CAPRIN1: variants seen among roughly 807,000 people sequenced by gnomAD.
The protein encoded by CAPRIN1 is caprin-1.
A neutral mutation model predicts 100.9 loss-of-function variants in CAPRIN1; 29 were observed. That is an observed-to-expected ratio of 0.29 (90% CI 0.21 to 0.39). CAPRIN1 has a LOEUF of 0.39. CAPRIN1 is among the 10% of genes least tolerant of loss of function. The pLI, the probability that CAPRIN1 is intolerant of heterozygous loss-of-function variation, is 1.00. For synonymous variants in CAPRIN1, 338 were observed against 307.5 expected (o/e 1.10, Z -1.04); for missense variants, 795 against 876.7 (o/e 0.91, Z 1.18).
chr11:34,068,559 G>A (rs1850744808), intron 2 of CAPRIN1, among the ~76,000 whole-genome samples: 1 of 152,194 alleles, frequency 6.6e-6, no homozygotes. Flanking sequence ...AGGATAGCTT[G>A]TCCTACTATA....
At chr11:34,090,474 T>C (rs970012417) in intron 13 of CAPRIN1, 55 bp from the exon 14 acceptor site, 10 of 1,578,744 alleles carry the variant, frequency 6.3e-6, no homozygotes, top group Admixed American at 3.4e-5. Context: ...TGTTCACTTT[T>C]TGTTTGGCTA....
At chr11:34,090,508 A>T in intron 13 of CAPRIN1, 21 bp from the exon 14 acceptor site, 1 of 1,606,558 alleles carries the variant, frequency 6.2e-7, no homozygotes, top group Non-Finnish European at 8.5e-7. Flanking sequence ...GCTAAAGTGC[A>T]TCTATTCACT....
At chr11:34,061,288 C>T (rs1377205183) in intron 2 of CAPRIN1, among the ~76,000 whole-genome samples, 1 of 147,400 alleles carries the variant, frequency 6.8e-6, no homozygotes, top group African/African-American at 2.5e-5. Context: ...CTCACTGCAA[C>T]CTCTGCCTCC....
chr11:34,097,896 C>G (rs1851396322), intron 18 of CAPRIN1, 135 bp downstream of exon 18: 10 of 1,445,114 alleles, frequency 6.9e-6, no homozygotes, highest in Non-Finnish European at 8.2e-6. Flanking sequence ...ATGAAATGCT[C>G]TGTTTCTAAA....
rs372863346 is a variant in CAPRIN1, at chr11:34,088,096, G to A, written c.1232-1299G>A. Among the ~76,000 whole-genome samples, 22 of 152,200 alleles carry A rather than the reference G, an allele frequency of 1.4e-4. 2 individuals are homozygous for A. The South Asian group carries it at 3.7e-3, about 26-fold the overall frequency. On this transcript the variant is annotated intron_variant, in intron 11 of 18. Transcript: ENST00000341394. The stretch of plus-strand genomic sequence containing the variant: ...CGGCACGCTGCAACCCCTGCCTCCC[G>A]GGTTCAAGGGATTCTCCTGCCTCAG...
chr11:34,078,925 G>A (rs958032234), intron 6 of CAPRIN1, among the ~76,000 whole-genome samples: 1 of 152,138 alleles, frequency 6.6e-6, no homozygotes, highest in Non-Finnish European at 1.5e-5. Flanking sequence ...TAAGTTTTTT[G>A]TAGTTGTATT....
chr11:34,096,308 G>GA, intron 15 of CAPRIN1, 171 bp from the exon 16 acceptor site: 1 of 533,752 alleles, frequency 1.9e-6, no homozygotes, highest in South Asian at 2.7e-5. Flanking sequence ...CTAAGGGTAG[G>GA]AGAAAGGTAA....
intron 2 of CAPRIN1, among the ~76,000 whole-genome samples, chr11:34,067,803 T>G (rs947667303): frequency 6.6e-6 from 1 of 152,162 alleles, no homozygotes; most frequent in Non-Finnish European, 1.5e-5. Flanking sequence ...CTGGCCATAA[T>G]GTGTAGATCT....
chr11:34,099,443 T>C lies in CAPRIN1; in HGVS notation c.*76T>C, dbSNP rs1485044721. ...CCATAATATGTTACCAGAAGAGTTATTATCTATTTGTTCTCCCTTTCAGGA... is the reference window on the plus strand; with the variant it reads ...CCATAATATGTTACCAGAAGAGTTACTATCTATTTGTTCTCCCTTTCAGGA... On this transcript the variant is annotated 3_prime_UTR_variant, in exon 19 of 19. Transcript: ENST00000341394. 2.4e-6 allele frequency: 3 copies of C among 1,232,470 alleles called. No individual in the cohort carries two copies. Among genetic ancestry groups the C allele is most frequent in the East Asian group, 2.4e-5 (1 of 42,214 alleles). 76.3% of individuals were successfully genotyped at this position (1,232,470 alleles called of 1,614,324 possible). A position where few individuals can be genotyped will look rare whatever the true frequency, so the allele number is the denominator to read the frequency against.
intron 2 of CAPRIN1, among the ~76,000 whole-genome samples, chr11:34,064,806 G>A (rs186736548): frequency 1.3e-5 from 2 of 152,154 alleles, no homozygotes; most frequent in East Asian, 3.9e-4. Context: ...GATCATAAAC[G>A]AGTGTTCTCT....
At chr11:34,080,008 C>T (rs1850991233) in intron 7 of CAPRIN1, among the ~76,000 whole-genome samples, 1 of 150,220 alleles carries the variant, frequency 6.7e-6, no homozygotes, top group African/African-American at 2.5e-5. Flanking sequence ...ACTGCAAGCT[C>T]CGCCTCCTGG....
chr11:34,096,268 G>T, intron 15 of CAPRIN1: 1 of 440,696 alleles, frequency 2.3e-6, no homozygotes, highest in East Asian at 3.9e-5. Flanking sequence ...TGGAATTGTG[G>T]TTGGAGAATT....
chr11:34,056,478 A>T (rs906167086), intron 2 of CAPRIN1: 6 of 152,234 alleles, frequency 3.9e-5, no homozygotes, highest in Non-Finnish European at 5.9e-5. Context: ...GTGGGTTTTT[A>T]AATTCAGGCT....
At chr11:34,071,408 C>G (rs1365312971) in intron 2 of CAPRIN1, among the ~76,000 whole-genome samples, 1 of 151,878 alleles carries the variant, frequency 6.6e-6, no homozygotes, top group Non-Finnish European at 1.5e-5. Context: ...ACAAAAAATA[C>G]AAAAAAATTA....
Position 34,099,559 on chromosome 11 carries a change from T to C in CAPRIN1, c.*192T>C, listed in dbSNP as rs1287423907. Reference sequence around the variant, plus strand: ...CCTGGATATGGAAGGAAACTATTTTTACTCTGCATGTTCTGTCCTAAGCGT... The same window carrying C: ...CCTGGATATGGAAGGAAACTATTTTCACTCTGCATGTTCTGTCCTAAGCGT... On this transcript the variant is annotated 3_prime_UTR_variant, in exon 19 of 19. Coordinates refer to ENST00000341394, the MANE Select transcript of CAPRIN1 (RefSeq NM_005898.5). The C allele has an allele frequency of 3.3e-6, 2 of 606,140 alleles. No individual in the cohort carries two copies. Among genetic ancestry groups the C allele is most frequent in the Non-Finnish European group, 5.9e-6 (2 of 338,716 alleles). The allele number at this position is 606,140 out of a possible 1,614,324, so 37.5% of individuals were successfully genotyped here. A position where few individuals can be genotyped will look rare whatever the true frequency, so the allele number is the denominator to read the frequency against.
intron 2 of CAPRIN1, among the ~76,000 whole-genome samples, chr11:34,066,560 C>G (rs1426432975): frequency 6.7e-6 from 1 of 149,214 alleles, no homozygotes; most frequent in Admixed American, 6.7e-5. Flanking sequence ...TCTCGAACTC[C>G]TGACCTTGTG....
intron 2 of CAPRIN1, 52 bp from the exon 3 acceptor site, chr11:34,071,674 C>G: frequency 7.9e-7 from 1 of 1,258,884 alleles, no homozygotes. Flanking sequence ...CATGCTTAAG[C>G]TGGTATATAC....
intron 16 of CAPRIN1, 100 bp from the exon 17 acceptor site, chr11:34,097,096 C>G: frequency 1.2e-6 from 1 of 809,508 alleles, no homozygotes; most frequent in Non-Finnish European, 2.1e-6. Flanking sequence ...ATTAACTAGC[C>G]TGGCTTATAA....
intron 18 of CAPRIN1, chr11:34,099,101 C>T (rs549417907): frequency 4.9e-6 from 7 of 1,424,892 alleles, no homozygotes; most frequent in Non-Finnish European, 6.4e-6. Context: ...CTTTACTCTT[C>T]TTTTAGCTAA....
Sources: allele counts gnomAD v4.1 joint callset (sites outside exome capture counted in the v4.1 genomes callset), GRCh38; gene constraint gnomAD v4.1.1; transcripts MANE v1.5; gene names NCBI Gene and HGNC (gene_info 2026-07-23, HGNC 2026-07-21).